Variants in PCDHGB5 observed in about 807,000 individuals in gnomAD.
PCDHGB5 encodes the protein protocadherin gamma-B5.
PCDHGB5 carries 48 observed loss-of-function variants against 62.9 expected under a neutral mutation model. The observed-to-expected ratio is 0.76, with a 90% CI of 0.61 to 0.97. The LOEUF is 0.97. Among genes scored for constraint, PCDHGB5 ranks in the 50% least tolerant of loss-of-function variants. The pLI, the probability that PCDHGB5 is intolerant of heterozygous loss-of-function variation, is 0.00. For missense variants in PCDHGB5, 1,118 were observed against 1,198.6 expected (o/e 0.93, Z 0.99); for synonymous variants, 474 against 511.2 (o/e 0.93, Z 0.98).
intron 1 of PCDHGB5, chr5:141,416,406 T>C (rs2096021956): frequency 6.6e-6 from 1 of 152,224 alleles, no homozygotes; most frequent in Non-Finnish European, 1.5e-5. Flanking sequence ...TTGTCTTTTT[T>C]GTTAAATTTT....
Position 141,490,876 on chromosome 5 carries a change from G to T in PCDHGB5, c.2398-3931G>T. On this transcript the variant is annotated intron_variant, in intron 1 of 3. Coordinates refer to ENST00000617380, the MANE Select transcript of PCDHGB5 (RefSeq NM_018925.3). The surrounding 1 kb of genome is among the most constrained non-coding windows in gnomAD (Gnocchi z 5.4). Reference sequence around the variant, plus strand: ...AGACTCCGGCTCTCCCCCATTGCATGCCAACACATCTCTGCATGTGTTTGT... The same window carrying T: ...AGACTCCGGCTCTCCCCCATTGCATTCCAACACATCTCTGCATGTGTTTGT... 6.2e-7 allele frequency: 1 copy of T among 1,613,840 alleles called. No homozygotes were observed. The highest frequency in any genetic ancestry group is 8.5e-7 in the Non-Finnish European group (1 of 1,179,894).
At position 141,477,053 on chromosome 5, in the gene PCDHGB5, G is replaced by C; in HGVS notation, c.2398-17754G>C. ...GACAATCAAGGGTCGGCTGGACTTC[G>C]AGGACACCAAACTCCATGAGATTTA... On this transcript the variant is annotated intron_variant, in intron 1 of 3. Coordinates refer to ENST00000617380, the MANE Select transcript of PCDHGB5 (RefSeq NM_018925.3). This position sits in a 1 kb window ranked among gnomAD's most constrained non-coding sequence, Gnocchi z 4.9. The C allele has an allele frequency of 6.2e-7, 1 of 1,614,230 alleles. No homozygotes were observed. Among genetic ancestry groups the C allele is most frequent in the Non-Finnish European group, 8.5e-7 (1 of 1,180,032 alleles).
chr5:141,459,044 A>T (rs2098959649), intron 1 of PCDHGB5, among the ~76,000 whole-genome samples: 1 of 152,204 alleles, frequency 6.6e-6, no homozygotes, highest in Non-Finnish European at 1.5e-5. Flanking sequence ...TACCAGCTAT[A>T]TTGAAGTATA....
intron 1 of PCDHGB5, among the ~76,000 whole-genome samples, chr5:141,425,025 T>C (rs1416166875): frequency 1.3e-5 from 2 of 152,236 alleles, no homozygotes; most frequent in Non-Finnish European, 2.9e-5. Flanking sequence ...ATTTACCTTA[T>C]GTCATTAGTT....
intron 1 of PCDHGB5, 196 bp downstream of exon 1, chr5:141,400,720 T>G (rs2150871186): frequency 1.5e-6 from 1 of 669,356 alleles, no homozygotes; most frequent in Non-Finnish European, 2.5e-6. Context: ...CCTTATAGAT[T>G]TACAAAGTAG....
Position 141,431,354 on chromosome 5 carries a change from G to A in PCDHGB5, c.2397+30830G>A, listed in dbSNP as rs777198567. On this transcript the variant is annotated intron_variant, in intron 1 of 3. Coordinates refer to ENST00000617380, the MANE Select transcript of PCDHGB5 (RefSeq NM_018925.3). This position sits in a 1 kb window ranked among gnomAD's most constrained non-coding sequence, Gnocchi z 4.8. ...GTACCCCGAATTGGTGCTGAAACGC[G>A]CCCTGGACCGCGAAGAAAAGGCTGC... is the stretch of plus-strand genomic sequence containing the variant. 1 of 1,614,036 alleles carries A rather than the reference G, an allele frequency of 6.2e-7. No homozygotes were observed. Among genetic ancestry groups the A allele is most frequent in the South Asian group, 1.1e-5 (1 of 91,086 alleles).
At chr5:141,458,854 T>G (rs2098955098) in intron 1 of PCDHGB5, among the ~76,000 whole-genome samples, 1 of 152,182 alleles carries the variant, frequency 6.6e-6, no homozygotes, top group South Asian at 2.1e-4. Flanking sequence ...CACCTCAGCC[T>G]TCCAAGTAGC....
intron 1 of PCDHGB5, chr5:141,418,511 G>A: frequency 5.6e-6 from 9 of 1,613,974 alleles, no homozygotes; most frequent in Non-Finnish European, 7.6e-6. Context: ...CTTAGATGGT[G>A]GGGACCCTCC....
At chr5:141,422,716 G>T (rs1348237465) in intron 1 of PCDHGB5, 1 of 1,604,378 alleles carries the variant, frequency 6.2e-7, no homozygotes, top group African/African-American at 1.3e-5. Context: ...GGATGACACT[G>T]TCCAGGGGGT....
At position 141,398,826 on chromosome 5, in the gene PCDHGB5, C is replaced by T. The variant is rs755219133; in HGVS notation, c.699C>T (p.Thr233=). The change falls in exon 1 of 4, where the codon ACC becomes ACT. Residue 233 remains threonine (T), a synonymous_variant. Coordinates refer to ENST00000617380, the MANE Select transcript of PCDHGB5 (RefSeq NM_018925.3). ...SGTTELRIQV[T]DANDNPPVFN... is the part of the protein sequence containing the mutation. ...CCACTGAGCTCCGGATCCAGGTAACCGACGCCAATGATAATCCCCCGGTAT... is the reference window on the plus strand; with the variant it reads ...CCACTGAGCTCCGGATCCAGGTAACTGACGCCAATGATAATCCCCCGGTAT... 81 of 1,613,942 alleles carry T rather than the reference C, an allele frequency of 5.0e-5. 1 individual carries two copies. In the South Asian group the frequency reaches 7.7e-4, roughly 15 times the overall value.
intron 1 of PCDHGB5, chr5:141,419,265 C>G: frequency 6.2e-7 from 1 of 1,614,040 alleles, no homozygotes; most frequent in Non-Finnish European, 8.5e-7. Context: ...CAGCCGGGTG[C>G]CTCCATAGCG....
rs1480686339 is a variant in PCDHGB5, at chr5:141,415,643, A to G, written c.2397+15119A>G. ...TTTATTTTCATTTTTACTTTTGTTA[A>G]AAAAAAAAAGATTGGTTTTTACTTT... is the stretch of plus-strand genomic sequence containing the variant. On this transcript the variant is annotated intron_variant, in intron 1 of 3. Transcript: ENST00000617380. The G allele has an allele frequency of 5.1e-6, 8 of 1,571,752 alleles. No individual in the cohort carries two copies. In the South Asian group the frequency reaches 9.1e-5, roughly 18 times the overall value.
Position 141,489,101 on chromosome 5 carries a change from T to C in PCDHGB5, c.2398-5706T>C. The C allele has an allele frequency of 2.5e-6, 1 of 398,412 alleles. No homozygotes were observed. The highest frequency in any genetic ancestry group is 4.3e-5 in the South Asian group (1 of 23,096). The allele number at this position is 398,412 out of a possible 1,614,324, so 24.7% of individuals were successfully genotyped here. A position where few individuals can be genotyped will look rare whatever the true frequency, so the allele number is the denominator to read the frequency against. ...CCGCCACTCGGTGACTAAGAACTGC[T>C]GCAAGCAGGCAAACCTCCGAGCAGT... On this transcript the variant is annotated intron_variant, in intron 1 of 3. Coordinates refer to ENST00000617380, the MANE Select transcript of PCDHGB5 (RefSeq NM_018925.3). The surrounding 1 kb of genome is among the most constrained non-coding windows in gnomAD (Gnocchi z 4.5).
chr5:141,500,148 G>T (rs936567158), intron 2 of PCDHGB5, among the ~76,000 whole-genome samples: 6 of 150,990 alleles, frequency 4.0e-5, no homozygotes, highest in African/African-American at 1.5e-4. Flanking sequence ...ACTTTTCTTT[G>T]TGTAATCAAA....
intron 1 of PCDHGB5, among the ~76,000 whole-genome samples, chr5:141,468,921 G>A (rs1254189500): frequency 6.6e-6 from 1 of 151,342 alleles, no homozygotes; most frequent in African/African-American, 2.4e-5. Context: ...GAAGAGAATA[G>A]CACTAAAATG....
At chr5:141,504,384 C>G (rs2099837898) in intron 2 of PCDHGB5, among the ~76,000 whole-genome samples, 1 of 152,026 alleles carries the variant, frequency 6.6e-6, no homozygotes, top group South Asian at 2.1e-4. Flanking sequence ...GAGTCGCTGC[C>G]TCACAGAAGC....
chr5:141,471,747 T>A (rs2099263878), intron 1 of PCDHGB5, among the ~76,000 whole-genome samples: 1 of 152,200 alleles, frequency 6.6e-6, no homozygotes, highest in African/African-American at 2.4e-5. Context: ...ACATAACATA[T>A]TTGAGGGTGT....
intron 1 of PCDHGB5, among the ~76,000 whole-genome samples, chr5:141,472,266 G>A (rs931951683): frequency 2.0e-5 from 3 of 152,198 alleles, no homozygotes. Flanking sequence ...TTATAGCCGG[G>A]CACAGTGGCT....
intron 1 of PCDHGB5, among the ~76,000 whole-genome samples, chr5:141,465,090 A>G (rs566511602): frequency 6.7e-6 from 1 of 149,576 alleles, no homozygotes; most frequent in Admixed American, 6.7e-5. Flanking sequence ...TCATTTTTCT[A>G]GTAGTTTTTT....
Sources: gnomAD v4.1 joint callset for allele counts (sites outside exome capture counted in the v4.1 genomes callset) on GRCh38, gnomAD v4.1.1 for gene constraint, Gnocchi (gnomAD v3.1) non-coding constraint, MANE v1.5 for transcripts, NCBI Gene and HGNC (gene_info 2026-07-23, HGNC 2026-07-21) for gene names.